Variants in GALNTL6 observed in about 807,000 individuals in gnomAD.
GALNTL6 encodes the protein polypeptide N-acetylgalactosaminyltransferase like 6, also known as polypeptide N-acetylgalactosaminyltransferase-like 6.
GALNTL6 carries 46 observed loss-of-function variants against 73.7 expected under a neutral mutation model. The ratio of observed to expected loss-of-function variants is 0.62; its 90% CI spans 0.49 to 0.80. The LOEUF (loss-of-function observed/expected upper bound fraction) is 0.80, where lower values mean the gene tolerates loss of function less well. Ranked by LOEUF, GALNTL6 falls within the 30% of genes least tolerant of loss-of-function variation. The probability of loss-of-function intolerance (pLI) is 0.00; values close to 1 mark genes in which losing one functional copy is unlikely to be tolerated. For missense variants in GALNTL6, 604 were observed against 755.0 expected (o/e 0.80, Z 2.34); for synonymous variants, 259 against 263.7 (o/e 0.98, Z 0.17).
chr4:172,060,219 T>C (rs1731153934), intron 2 of GALNTL6, among the ~76,000 whole-genome samples: 2 of 152,162 alleles, frequency 1.3e-5, no homozygotes, highest in African/African-American at 4.8e-5. Context: ...TAGTTAAAAA[T>C]TGAAGACAAA....
chr4:172,190,579 C>T (rs563277727), intron 2 of GALNTL6, among the ~76,000 whole-genome samples: 12 of 151,966 alleles, frequency 7.9e-5, no homozygotes, highest in East Asian at 7.7e-4. Flanking sequence ...AGAAGTAAAC[C>T]GAGAGAGTAC....
In GALNTL6 at chr4:172,078,244, G is replaced by A. The variant is rs150536157; in HGVS notation, c.139-151412G>A. Among the ~76,000 whole-genome samples the A allele has an allele frequency of 2.6e-5, 4 of 152,298 alleles. No individual in the cohort carries two copies. In the South Asian group the frequency reaches 6.2e-4, roughly 24 times the overall value. Reference sequence around the variant, plus strand: ...GGCAGATTTCCACCTTGCTATTCTCGTGATAGTGAGTTCTTATGATATGTG... The same window carrying A: ...GGCAGATTTCCACCTTGCTATTCTCATGATAGTGAGTTCTTATGATATGTG... On this transcript the variant is annotated intron_variant, in intron 2 of 12. Transcript: ENST00000506823.
Position 172,055,544 on chromosome 4 carries a change from A to T in GALNTL6, c.139-174112A>T, listed in dbSNP as rs1730995903. On this transcript the variant is annotated intron_variant, in intron 2 of 12. Transcript: ENST00000506823. ...GTCTGTGCCTAGAAATCAAATTGAG[A>T]CTTCCATTTTTTTTCCCACCCTTTT... 2.0e-5 allele frequency among the ~76,000 whole-genome samples: 3 copies of T among 147,100 alleles called. No homozygotes were observed. The South Asian group carries it at 6.4e-4, about 31-fold the overall frequency.
chr4:172,789,338 C>G (rs1316593632), intron 5 of GALNTL6, among the ~76,000 whole-genome samples: 2 of 152,224 alleles, frequency 1.3e-5, no homozygotes, highest in Non-Finnish European at 2.9e-5. Flanking sequence ...ATCCGTGTCT[C>G]ACATGTGGCT....
intron 8 of GALNTL6, among the ~76,000 whole-genome samples, chr4:172,893,955 C>T (rs2610206): frequency 0.076 from 11,502 of 152,180 alleles, 1,222 homozygotes; most frequent in African/African-American, 0.23. Context: ...TCCTTAGGAC[C>T]TAGTCAGGTT....
At chr4:171,970,410 A>G (rs1358136829) in intron 2 of GALNTL6, among the ~76,000 whole-genome samples, 2 of 152,224 alleles carry the variant, frequency 1.3e-5, no homozygotes, top group African/African-American at 2.4e-5. Context: ...TTCAAGGAAT[A>G]CTAGTGATGG....
chr4:172,141,246 G>A (rs1197211899), intron 2 of GALNTL6, among the ~76,000 whole-genome samples: 1 of 151,974 alleles, frequency 6.6e-6, no homozygotes, highest in Non-Finnish European at 1.5e-5. Context: ...CCTGTTCTTA[G>A]ATTTTTCCAT....
chr4:172,615,098 T>C (rs1006332946), intron 5 of GALNTL6, among the ~76,000 whole-genome samples: 1 of 151,936 alleles, frequency 6.6e-6, no homozygotes, highest in Non-Finnish European at 1.5e-5. Flanking sequence ...ACGTGACTTC[T>C]GAGGCTAGGG....
chr4:172,867,524 A>G (rs1744721018), intron 7 of GALNTL6, among the ~76,000 whole-genome samples: 2 of 152,196 alleles, frequency 1.3e-5, no homozygotes, highest in African/African-American at 4.8e-5. Flanking sequence ...ACAGCAGTAA[A>G]GTGAAATCTT....
In GALNTL6 at chr4:172,770,180, C is replaced by T. The variant is rs567061973; in HGVS notation, c.554-39181C>T. ...ACTTGGGAGGCTGAGGCAGGAGAAT[C>T]GCTTGAACCTGGGAGGCGGAGGTTG... On this transcript the variant is annotated intron_variant, in intron 5 of 12. Coordinates refer to ENST00000506823, the MANE Select transcript of GALNTL6 (RefSeq NM_001034845.3). Among the ~76,000 whole-genome samples, 43 of 151,906 alleles carry T rather than the reference C, an allele frequency of 2.8e-4. 1 individual carries two copies. The highest frequency in any genetic ancestry group is 1.0e-3 in the Admixed American group (16 of 15,254).
chr4:172,964,706 T>C (rs1750245245), intron 10 of GALNTL6, among the ~76,000 whole-genome samples: 1 of 152,204 alleles, frequency 6.6e-6, no homozygotes, highest in South Asian at 2.1e-4. Flanking sequence ...GCTTTTCAGG[T>C]TTCTCCCTAT....
chr4:172,139,397 A>T lies in GALNTL6; in HGVS notation c.139-90259A>T, dbSNP rs1039331057. On this transcript the variant is annotated intron_variant, in intron 2 of 12. Coordinates refer to ENST00000506823, the MANE Select transcript of GALNTL6 (RefSeq NM_001034845.3). ...TTAGAATAATTTGACAAACACCTAGATGTTTACACAATTCTAGAATTTTAA... is the reference window on the plus strand; with the variant it reads ...TTAGAATAATTTGACAAACACCTAGTTGTTTACACAATTCTAGAATTTTAA... Among the ~76,000 whole-genome samples, 10 of 152,356 alleles carry T rather than the reference A, an allele frequency of 6.6e-5. No homozygotes were observed. In the South Asian group the frequency reaches 1.7e-3, roughly 25 times the overall value.
chr4:172,055,385 A>G (rs908097773), intron 2 of GALNTL6, among the ~76,000 whole-genome samples: 1 of 152,136 alleles, frequency 6.6e-6, no homozygotes, highest in African/African-American at 2.4e-5. Context: ...TCTTTCCAAC[A>G]ATTTTCTTGA....
chr4:171,883,504 T>C (rs980171064), intron 2 of GALNTL6, among the ~76,000 whole-genome samples: 22 of 152,184 alleles, frequency 1.4e-4, no homozygotes, highest in Non-Finnish European at 2.8e-4. Context: ...AAGAGAGTAA[T>C]TGAAGTTAAG....
At chr4:171,848,967 GT>G (rs1735448873) in intron 2 of GALNTL6, among the ~76,000 whole-genome samples, 1 of 151,746 alleles carries the variant, frequency 6.6e-6, no homozygotes, top group Admixed American at 6.6e-5. Context: ...TACAAGTGTA[GT>G]TTTTTTACAT....
intron 2 of GALNTL6, among the ~76,000 whole-genome samples, chr4:171,969,113 G>A (rs1739485348): frequency 6.6e-6 from 1 of 152,106 alleles, no homozygotes; most frequent in Non-Finnish European, 1.5e-5. Context: ...GGGATTACAG[G>A]CATGAGCCAC....
chr4:172,644,146 A>G (rs1560853563), intron 5 of GALNTL6, among the ~76,000 whole-genome samples: 1 of 151,894 alleles, frequency 6.6e-6, no homozygotes, highest in African/African-American at 2.4e-5. Context: ...TTGAAATTTT[A>G]TATGTACAGT....
At chr4:172,127,515 C>T (rs1462159429) in intron 2 of GALNTL6, among the ~76,000 whole-genome samples, 1 of 152,216 alleles carries the variant, frequency 6.6e-6, no homozygotes, top group African/African-American at 2.4e-5. Context: ...TTAGCTTTAA[C>T]AATCATACTT....
chr4:172,062,345 G>A (rs966029311), intron 2 of GALNTL6, among the ~76,000 whole-genome samples: 2 of 152,210 alleles, frequency 1.3e-5, no homozygotes, highest in South Asian at 4.1e-4. Flanking sequence ...CGAATCAAAT[G>A]TCTATCTGTC....
Sources: gnomAD v4.1 joint callset for allele counts (sites outside exome capture counted in the v4.1 genomes callset) on GRCh38, gnomAD v4.1.1 for gene constraint, MANE v1.5 for transcripts, NCBI Gene and HGNC (gene_info 2026-07-23, HGNC 2026-07-21) for gene names.